MYH10: variants seen among roughly 807,000 people sequenced by gnomAD.
The protein encoded by MYH10 is myosin heavy chain 10.
A neutral mutation model predicts 257.8 loss-of-function variants in MYH10; 55 were observed. That is an observed-to-expected ratio of 0.21 (90% CI 0.17 to 0.27). The LOEUF (loss-of-function observed/expected upper bound fraction) is 0.27. Ranked by LOEUF, MYH10 falls within the 10% of genes least tolerant of loss-of-function variation. The pLI, the probability that MYH10 is intolerant of heterozygous loss-of-function variation, is 1.00. For missense variants in MYH10, 1,631 were observed against 2,500.6 expected (o/e 0.65, Z 7.42); for synonymous variants, 854 against 921.7 (o/e 0.93, Z 1.33).
At position 8,504,360 on chromosome 17, in the gene MYH10, G is replaced by A. The variant is rs937218474; in HGVS notation, c.3599+334C>T. 6.6e-6 allele frequency among the ~76,000 whole-genome samples: 1 copy of A among 151,964 alleles called. No individual in the cohort carries two copies. Among genetic ancestry groups the A allele is most frequent in the Non-Finnish European group, 1.5e-5 (1 of 68,014 alleles). ...TTCCTGTGTTTACCCTTCTCCCTCT[G>A]GTCCTATCTATCTAAATCTCTTTTC... On this transcript the variant is annotated intron_variant, in intron 28 of 42. Transcript: ENST00000360416. This position sits in a 1 kb window ranked among gnomAD's most constrained non-coding sequence, Gnocchi z 5.6.
chr17:8,476,848 G>C, intron 42 of MYH10, 28 bp downstream of exon 42: 1 of 1,588,992 alleles, frequency 6.3e-7, no homozygotes, highest in Non-Finnish European at 8.6e-7. Flanking sequence ...GCAGCTGCCT[G>C]TCAGCTCGGG....
At chr17:8,530,827 A>G (rs2081985803) in intron 16 of MYH10, 142 bp from the exon 17 acceptor site, 1 of 586,824 alleles carries the variant, frequency 1.7e-6, no homozygotes. Context: ...CCATGCAAAC[A>G]TGACTGTTTA....
At chr17:8,548,916 G>GTT in intron 9 of MYH10, 129 bp from the exon 10 acceptor site, 1 of 658,338 alleles carries the variant, frequency 1.5e-6, no homozygotes, top group Non-Finnish European at 2.5e-6. Context: ...CCAGCAAAAT[G>GTT]TTTTTTTTCT....
chr17:8,486,682 A>C (rs1010164150), intron 36 of MYH10, among the ~76,000 whole-genome samples: 9 of 152,038 alleles, frequency 5.9e-5, no homozygotes, highest in African/African-American at 1.7e-4. Flanking sequence ...GTGAAAATGT[A>C]TACACACACA....
At chr17:8,602,384 A>T (rs1185549673) in intron 3 of MYH10, among the ~76,000 whole-genome samples, 3 of 152,344 alleles carry the variant, frequency 2.0e-5, no homozygotes, top group Admixed American at 1.3e-4. Context: ...GTCCTTGGTC[A>T]GGCTACTGAT....
intron 3 of MYH10, among the ~76,000 whole-genome samples, chr17:8,590,539 T>G (rs1480158710): frequency 6.6e-6 from 1 of 152,026 alleles, no homozygotes; most frequent in Non-Finnish European, 1.5e-5. Context: ...CTTGAACTCC[T>G]AGGCTTAAGG....
At chr17:8,555,559 G>A (rs1416814057) in intron 7 of MYH10, among the ~76,000 whole-genome samples, 1 of 152,180 alleles carries the variant, frequency 6.6e-6, no homozygotes, top group Non-Finnish European at 1.5e-5. Flanking sequence ...TCAATAAATG[G>A]TGCTTGAAAA....
chr17:8,578,784 A>C (rs942956644), intron 4 of MYH10, among the ~76,000 whole-genome samples: 2 of 152,174 alleles, frequency 1.3e-5, no homozygotes, highest in Non-Finnish European at 1.5e-5. Flanking sequence ...GATCAAAGCA[A>C]ACCTAACTTT....
At chr17:8,560,912 G>C in intron 7 of MYH10, 3 of 488,524 alleles carry the variant, frequency 6.1e-6, no homozygotes, top group South Asian at 5.4e-5. Flanking sequence ...CTCTGGGTCC[G>C]GGAATGGTGA....
chr17:8,607,884 C>A (rs73973177), intron 2 of MYH10, among the ~76,000 whole-genome samples: 3,350 of 152,192 alleles, frequency 0.022, 139 homozygotes, highest in African/African-American at 0.076. Context: ...ACACAACAAA[C>A]CCCAGGCACT....
intron 7 of MYH10, among the ~76,000 whole-genome samples, chr17:8,565,638 A>T (rs1371584591): frequency 6.6e-6 from 1 of 152,242 alleles, no homozygotes; most frequent in East Asian, 1.9e-4. Context: ...TCTACTAAAA[A>T]CAAATCAGCT....
intron 30 of MYH10, among the ~76,000 whole-genome samples, chr17:8,497,428 C>T (rs1246184720): frequency 6.6e-6 from 1 of 151,336 alleles, no homozygotes; most frequent in African/African-American, 2.4e-5. Context: ...GTGGATTCAA[C>T]CAACCATGTA....
chr17:8,546,398 T>TA (rs35537538), intron 12 of MYH10, 146 bp downstream of exon 12: 13,843 of 503,162 alleles, frequency 0.028, 1 homozygote, highest in East Asian at 0.032. Flanking sequence ...TAAATATACT[T>TA]AAAAAAAAAA....
chr17:8,503,343 C>T (rs1399042236), intron 28 of MYH10, among the ~76,000 whole-genome samples: 3 of 151,870 alleles, frequency 2.0e-5, no homozygotes, highest in Non-Finnish European at 2.9e-5. Context: ...AGCCTCGAAC[C>T]ATGCCTGGCT....
At chr17:8,576,543 C>A in intron 6 of MYH10, 100 bp downstream of exon 6, 3 of 1,165,736 alleles carry the variant, frequency 2.6e-6, no homozygotes, top group South Asian at 1.4e-5. Flanking sequence ...TGACAGATTT[C>A]ACTTAGAACT....
At chr17:8,525,484 T>C (rs1186461375) in intron 17 of MYH10, among the ~76,000 whole-genome samples, 1 of 152,252 alleles carries the variant, frequency 6.6e-6, no homozygotes, top group African/African-American at 2.4e-5. Context: ...GGGCACACAG[T>C]AGCTATTTAA....
chr17:8,552,214 G>A lies in MYH10; in HGVS notation c.821-70C>T, dbSNP rs883811. 0.41 allele frequency: 270,490 copies of A among 666,138 alleles called. 56,103 individuals are homozygous for A. The highest frequency in any genetic ancestry group is 0.45 in the South Asian group (10,974 of 24,540). 41.3% of individuals were successfully genotyped at this position (666,138 alleles called of 1,614,324 possible). A position where few individuals can be genotyped will look rare whatever the true frequency, so the allele number is the denominator to read the frequency against. ...AAATAAATAAAGGCCCTCTTTCAGC[G>A]TCTGTAAATTTAAATCATAAAACAT... On this transcript the variant is annotated intron_variant, in intron 8 of 42. Coordinates refer to ENST00000360416, the MANE Select transcript of MYH10 (RefSeq NM_001256012.3). The surrounding 1 kb of genome is among the most constrained non-coding windows in gnomAD (Gnocchi z 4.8).
intron 3 of MYH10, among the ~76,000 whole-genome samples, chr17:8,603,965 G>A (rs1027822103): frequency 8.5e-5 from 13 of 152,070 alleles, no homozygotes; most frequent in Non-Finnish European, 1.5e-4. Flanking sequence ...CGTGGGTATT[G>A]TACTTTATTA....
At chr17:8,508,700 T>C (rs1474614739) in intron 25 of MYH10, 23 bp from the exon 26 acceptor site, 16 of 1,612,564 alleles carry the variant, frequency 9.9e-6, no homozygotes, top group Non-Finnish European at 1.2e-5. Context: ...AATTGACTGC[T>C]TCAGAAAAGC....
Sources: gnomAD v4.1 joint callset for allele counts (sites outside exome capture counted in the v4.1 genomes callset) on GRCh38, gnomAD v4.1.1 for gene constraint, Gnocchi (gnomAD v3.1) non-coding constraint, MANE v1.5 for transcripts, NCBI Gene and HGNC (gene_info 2026-07-23, HGNC 2026-07-21) for gene names.